Variants in DYNC2H1 observed in about 807,000 individuals in gnomAD.
The protein encoded by DYNC2H1 is dynein cytoplasmic 2 heavy chain 1, also known as cytoplasmic dynein 2 heavy chain 1.
A neutral mutation model predicts 570.0 loss-of-function variants in DYNC2H1; 410 were observed. The ratio of observed to expected loss-of-function variants is 0.72; its 90% CI spans 0.66 to 0.78. The LOEUF (loss-of-function observed/expected upper bound fraction) is 0.78, where lower values mean the gene tolerates loss of function less well. DYNC2H1 is among the 30% of genes least tolerant of loss of function. The pLI is 0.00. For missense variants in DYNC2H1, 4,865 were observed against 5,046.4 expected (o/e 0.96, Z 1.09); for synonymous variants, 1,688 against 1,677.6 (o/e 1.01, Z -0.15).
rs1282986539 is a variant in DYNC2H1, at chr11:103,201,279, C to A, written c.8197+1125C>A. Among the ~76,000 whole-genome samples the A allele has an allele frequency of 6.6e-6, 1 of 151,980 alleles. No homozygotes were observed. The highest frequency in any genetic ancestry group is 2.1e-4 in the South Asian group (1 of 4,828). On this transcript the variant is annotated intron_variant, in intron 50 of 88. Transcript: ENST00000375735. This position sits in a 1 kb window ranked among gnomAD's most constrained non-coding sequence, Gnocchi z 4.8. ...CTCTAGAAATTTATGGCTAAGTGGG[C>A]TCTCTATGTATCTGGAATTCTATGG...
Position 103,418,878 on chromosome 11 carries a change from C to T in DYNC2H1, c.12367-17065C>T, listed in dbSNP as rs79719481. On this transcript the variant is annotated intron_variant, in intron 84 of 88. Transcript: ENST00000375735. ...GCCCACACCACCAGGGCCTTGGGTC[C>T]GAAACACAGAGCTGTGTGGAGTCTG... 4.1e-3 allele frequency among the ~76,000 whole-genome samples: 617 copies of T among 152,262 alleles called. 5 individuals are homozygous for T. The highest frequency in any genetic ancestry group is 0.014 in the African/African-American group (585 of 41,554).
rs377584612 is a variant in DYNC2H1, at chr11:103,155,492, C to T, written c.3735C>T (p.Ala1245=). 169 of 1,607,076 alleles carry T rather than the reference C, an allele frequency of 1.1e-4. 3 individuals carry two copies. Among genetic ancestry groups the T allele is most frequent in the African/African-American group, 6.6e-4 (49 of 74,544 alleles). Residue 1245 remains alanine, a synonymous_variant, in exon 25 of 89, where the codon GCC becomes GCT. Coordinates refer to ENST00000375735, the MANE Select transcript of DYNC2H1 (RefSeq NM_001377.3). ...RVADTIVAKA[A]DLKDLNSRAQ... is the part of the protein sequence containing the mutation. The stretch of plus-strand genomic sequence containing the variant: ...CTGATACAATTGTAGCCAAAGCTGC[C>T]GACCTTAAAGTATGAATCACTTTTA...
intron 83 of DYNC2H1, among the ~76,000 whole-genome samples, chr11:103,370,686 C>A (rs1030171647): frequency 4.6e-5 from 7 of 152,128 alleles, no homozygotes; most frequent in African/African-American, 1.7e-4. Flanking sequence ...GCCTGATAAT[C>A]CAGAAAATTC....
chr11:103,394,088 G>C (rs1942290342), intron 83 of DYNC2H1, among the ~76,000 whole-genome samples: 1 of 152,050 alleles, frequency 6.6e-6, no homozygotes, highest in Non-Finnish European at 1.5e-5. Flanking sequence ...TGATCTACTA[G>C]TTTCCTGTGT....
At chr11:103,141,563 A>G (rs1859931850) in intron 17 of DYNC2H1, among the ~76,000 whole-genome samples, 1 of 152,118 alleles carries the variant, frequency 6.6e-6, no homozygotes, top group South Asian at 2.1e-4. Context: ...TTCCTCTGGA[A>G]GTTTTGTCTC....
Position 103,451,720 on chromosome 11 carries a change from A to G in DYNC2H1, c.12457-3466A>G, listed in dbSNP as rs1414995098. 2.0e-5 allele frequency among the ~76,000 whole-genome samples: 3 copies of G among 152,138 alleles called. No individual in the cohort carries two copies. In the East Asian group the frequency reaches 5.8e-4, roughly 29 times the overall value. ...ATATACTCCTACCAAAATTTTGTCC[A>G]TGTTGCAACCCTTAGCAACATTTAA... On this transcript the variant is annotated intron_variant, in intron 85 of 88. Coordinates refer to ENST00000375735, the MANE Select transcript of DYNC2H1 (RefSeq NM_001377.3).
chr11:103,371,141 C>A (rs988728823), intron 83 of DYNC2H1, among the ~76,000 whole-genome samples: 2 of 151,978 alleles, frequency 1.3e-5, no homozygotes, highest in Admixed American at 1.3e-4. Flanking sequence ...GGCAGAAATT[C>A]TTGAGTTGAA....
Position 103,170,405 on chromosome 11 carries a change from C to G in DYNC2H1, c.5151+115C>G. ...TCACTACATTTAAATTAGTTGAAGACAGAATTTGTTTAAATTGAAATGTAA... is the reference window on the plus strand; with the variant it reads ...TCACTACATTTAAATTAGTTGAAGAGAGAATTTGTTTAAATTGAAATGTAA... On this transcript the variant is annotated intron_variant, in intron 33 of 88. Coordinates refer to ENST00000375735, the MANE Select transcript of DYNC2H1 (RefSeq NM_001377.3). The surrounding 1 kb of genome is among the most constrained non-coding windows in gnomAD (Gnocchi z 4.8). The G allele has an allele frequency of 9.2e-7, 1 of 1,089,700 alleles. No individual in the cohort carries two copies. Among genetic ancestry groups the G allele is most frequent in the South Asian group, 2.0e-5 (1 of 49,276 alleles). 67.5% of individuals were successfully genotyped at this position (1,089,700 alleles called of 1,614,324 possible). A position where few individuals can be genotyped will look rare whatever the true frequency, so the allele number is the denominator to read the frequency against.
At chr11:103,224,713 G>C (rs554911027) in intron 59 of DYNC2H1, among the ~76,000 whole-genome samples, 1 of 152,142 alleles carries the variant, frequency 6.6e-6, no homozygotes, top group Non-Finnish European at 1.5e-5. Context: ...ACAAACATGC[G>C]TGTGCAAGTG....
chr11:103,200,228 C>A, intron 50 of DYNC2H1, 74 bp downstream of exon 50: 2 of 1,157,618 alleles, frequency 1.7e-6, no homozygotes, highest in Non-Finnish European at 2.4e-6. Context: ...TTATCTTGTG[C>A]AAAATTTATT....
At chr11:103,257,814 A>C in intron 69 of DYNC2H1, 63 bp downstream of exon 69, 1 of 1,288,662 alleles carries the variant, frequency 7.8e-7, no homozygotes, top group Non-Finnish European at 9.9e-7. Context: ...TAGGGATAGT[A>C]CTTAATTTAT....
intron 78 of DYNC2H1, 27 bp downstream of exon 78, chr11:103,307,858 C>T: frequency 7.3e-7 from 1 of 1,379,088 alleles, no homozygotes; most frequent in Non-Finnish European, 1.0e-6. Flanking sequence ...CTTGGATCAC[C>T]AGTTGTATGA....
At chr11:103,298,251 A>G (rs1172761419) in intron 75 of DYNC2H1, among the ~76,000 whole-genome samples, 1 of 152,110 alleles carries the variant, frequency 6.6e-6, no homozygotes, top group African/African-American at 2.4e-5. Flanking sequence ...CTGGAATATC[A>G]GAACCTTTGC....
chr11:103,407,504 T>C (rs1219940286), intron 84 of DYNC2H1: 1 of 151,868 alleles, frequency 6.6e-6, no homozygotes, highest in Non-Finnish European at 1.5e-5. Context: ...AATGCTAGCG[T>C]AAGTGGTAGA....
At chr11:103,124,445 CAAAAA>C (rs34997507) in intron 11 of DYNC2H1, among the ~76,000 whole-genome samples, 8 of 71,392 alleles carry the variant, frequency 1.1e-4, no homozygotes, top group Admixed American at 5.3e-4. Flanking sequence ...TACCCTGTCT[CAAAAA>C]AAAAAAAAAA....
rs1410984483 is a variant in DYNC2H1, at chr11:103,197,986, C to T, written c.7762C>T (p.Pro2588Ser). The stretch of plus-strand genomic sequence containing the variant: ...GCATAATTCAGGAGCAAGGGCAGCC[C>T]CAGGACAACCATTACCTCCACATGG... ...ARHNSGARAA[P>S]GQPLPPHGKP... The change falls in exon 48 of 89, where the codon CCA becomes TCA. Residue 2588 changes from proline (P) to serine (S), a missense_variant. By Grantham distance (74) the Pro-to-Ser change is moderately conservative (BLOSUM62 -1). Transcript: ENST00000375735. 2.6e-6 allele frequency: 4 copies of T among 1,565,584 alleles called. No homozygotes were observed. Among genetic ancestry groups the T allele is most frequent in the East Asian group, 4.7e-5 (2 of 42,180 alleles).
At chr11:103,165,616 GC>G (rs1202322453) in intron 30 of DYNC2H1, among the ~76,000 whole-genome samples, 3 of 152,150 alleles carry the variant, frequency 2.0e-5, no homozygotes, top group Admixed American at 6.5e-5. Flanking sequence ...AAATACAAAG[GC>G]TTTGAGGTTA....
chr11:103,220,072 C>A, intron 56 of DYNC2H1, 44 bp downstream of exon 56: 1 of 1,082,786 alleles, frequency 9.2e-7, no homozygotes, highest in Non-Finnish European at 1.3e-6. Context: ...TTTTTGCTTA[C>A]CAGTTATATG....
At chr11:103,178,917 T>G in intron 38 of DYNC2H1, 109 bp from the exon 39 acceptor site, 9 of 1,097,296 alleles carry the variant, frequency 8.2e-6, no homozygotes, top group African/African-American at 1.6e-5. Flanking sequence ...CTTCAGCATA[T>G]TTGTAGTACA....
Sources: gnomAD v4.1 joint callset for allele counts (sites outside exome capture counted in the v4.1 genomes callset) on GRCh38, gnomAD v4.1.1 for gene constraint, Gnocchi (gnomAD v3.1) non-coding constraint, MANE v1.5 for transcripts, NCBI Gene and HGNC (gene_info 2026-07-23, HGNC 2026-07-21) for gene names.